Variants in SAMD12 observed in about 807,000 individuals in gnomAD.
The protein encoded by SAMD12 is sterile alpha motif domain-containing protein 12.
In SAMD12, 9 loss-of-function variants were observed where a neutral mutation model predicts 15.0. The observed-to-expected ratio is 0.60, with a 90% CI of 0.36 to 1.05. The LOEUF is 1.05. SAMD12 is among the 50% of genes least tolerant of loss of function. The pLI is 0.01. For synonymous variants in SAMD12, 86 were observed against 90.1 expected, an observed-to-expected ratio of 0.96 and a Z score of 0.25; for missense variants, 230 against 234.2, an observed-to-expected ratio of 0.98 and a Z score of 0.12.
chr8:118,283,001 G>A (rs1381365235), intron 4 of SAMD12, among the ~76,000 whole-genome samples: 2 of 152,014 alleles, frequency 1.3e-5, no homozygotes, highest in East Asian at 1.9e-4. Context: ...GAAAAATTCC[G>A]ATGGGCCTAG....
At chr8:118,165,730 C>T in the SAMD12 span, among the ~76,000 whole-genome samples, 1 of 150,694 alleles carries the variant, frequency 6.6e-6, no homozygotes, top group Non-Finnish European at 1.5e-5. Flanking sequence ...TTTTCTCATG[C>T]TTTTAAATTT....
At chr8:118,144,927 A>C in the SAMD12 span, among the ~76,000 whole-genome samples, 1 of 152,240 alleles carries the variant, frequency 6.6e-6, no homozygotes, top group Non-Finnish European at 1.5e-5. Context: ...GAGAGCAATA[A>C]GATTCAGAGA....
intron 2 of SAMD12, among the ~76,000 whole-genome samples, chr8:118,485,169 A>C (rs1421173818): frequency 2.0e-5 from 3 of 152,090 alleles, no homozygotes; most frequent in Non-Finnish European, 2.9e-5. Context: ...ATTCACTAAT[A>C]TTCTGTTAGT....
intron 2 of SAMD12, among the ~76,000 whole-genome samples, chr8:118,473,804 ACT>A (rs766976469): frequency 1.3e-5 from 2 of 151,924 alleles, no homozygotes; most frequent in Non-Finnish European, 2.9e-5. Flanking sequence ...GACATGGCAC[ACT>A]CTCTAGAATT....
chr8:118,525,916 G>T (rs1204346606), intron 2 of SAMD12, among the ~76,000 whole-genome samples: 1 of 152,144 alleles, frequency 6.6e-6, no homozygotes, highest in Non-Finnish European at 1.5e-5. Context: ...CATCTGTAAT[G>T]TCACCCAGCT....
At chr8:118,187,759 A>G (rs566919302), downstream of SAMD12, among the ~76,000 whole-genome samples, 1 of 152,178 alleles carries the variant, frequency 6.6e-6, no homozygotes, top group Non-Finnish European at 1.5e-5. Flanking sequence ...TAAAGCTTTC[A>G]CGTACCTCAG....
At chr8:118,526,693 G>T (rs1158586139) in intron 2 of SAMD12, among the ~76,000 whole-genome samples, 1 of 152,170 alleles carries the variant, frequency 6.6e-6, no homozygotes, top group Non-Finnish European at 1.5e-5. Context: ...AACAGAAAGT[G>T]CAGAGTACCT....
At chr8:118,250,671 T>C (rs551607873) in intron 4 of SAMD12, among the ~76,000 whole-genome samples, 38 of 151,950 alleles carry the variant, frequency 2.5e-4, no homozygotes, top group Non-Finnish European at 5.1e-4. Context: ...ATTTTTTATT[T>C]ATTTATTTTT....
intron 3 of SAMD12, among the ~76,000 whole-genome samples, chr8:118,427,806 G>A (rs1025518766): frequency 6.6e-6 from 1 of 152,130 alleles, no homozygotes; most frequent in African/African-American, 2.4e-5. Flanking sequence ...GAGTGGAACT[G>A]CAGAATCATC....
intron 1 of SAMD12, among the ~76,000 whole-genome samples, chr8:118,611,706 A>G (rs113738203): frequency 1.2e-3 from 179 of 152,336 alleles, no homozygotes; most frequent in African/African-American, 4.1e-3. Context: ...CACATTTCCA[A>G]CCTCAGACAA....
intron 3 of SAMD12, among the ~76,000 whole-genome samples, chr8:118,415,425 GTAAA>G (rs1476707502): frequency 2.1e-5 from 3 of 142,836 alleles, no homozygotes; most frequent in Admixed American, 1.5e-4. Context: ...TGTAAAAAAA[GTAAA>G]TAAATAACCT....
intron 3 of SAMD12, among the ~76,000 whole-genome samples, chr8:118,437,205 ACTTGG>A (rs1488258998): frequency 6.6e-6 from 1 of 152,194 alleles, no homozygotes; most frequent in Non-Finnish European, 1.5e-5. Context: ...TTTTCTGGCC[ACTTGG>A]CACTTGTGAT....
At chr8:118,198,142 G>C (rs1819618099) in intron 4 of SAMD12, among the ~76,000 whole-genome samples, 1 of 152,076 alleles carries the variant, frequency 6.6e-6, no homozygotes, top group Middle Eastern at 3.2e-3. Flanking sequence ...GAGAGATGGG[G>C]GTTTCATTTA....
intron 2 of SAMD12, among the ~76,000 whole-genome samples, chr8:118,526,825 G>A (rs1236053290): frequency 6.6e-6 from 1 of 152,156 alleles, no homozygotes; most frequent in African/African-American, 2.4e-5. Flanking sequence ...CTGAGACATG[G>A]AACAGAAAAA....
the SAMD12 span, among the ~76,000 whole-genome samples, chr8:118,151,350 A>T: frequency 6.6e-6 from 1 of 152,072 alleles, no homozygotes; most frequent in Admixed American, 6.5e-5. Flanking sequence ...TTTAGCCATT[A>T]CCTTTTCAAA....
intron 2 of SAMD12, among the ~76,000 whole-genome samples, chr8:118,440,657 A>AACACACACACACACACAC (rs34419362): frequency 3.4e-4 from 49 of 142,208 alleles, no homozygotes; most frequent in South Asian, 4.5e-4. Flanking sequence ...TTATGAGGAA[A>AACACACACACACACACAC]ACACACACAC....
intron 2 of SAMD12, among the ~76,000 whole-genome samples, chr8:118,554,441 C>A (rs1372158649): frequency 6.6e-6 from 1 of 150,470 alleles, no homozygotes; most frequent in Admixed American, 6.7e-5. Flanking sequence ...GAACAAAAAA[C>A]CAAACACCGC....
At chr8:118,373,720 A>T (rs946238867), downstream of SAMD12, among the ~76,000 whole-genome samples, 2 of 152,112 alleles carry the variant, frequency 1.3e-5, no homozygotes, top group Non-Finnish European at 2.9e-5. Context: ...GCATATGAGG[A>T]TGGTAGCATC....
chr8:118,272,644 T>C (rs1427489431), intron 4 of SAMD12, among the ~76,000 whole-genome samples: 2 of 152,168 alleles, frequency 1.3e-5, no homozygotes, highest in East Asian at 3.8e-4. Flanking sequence ...GAAATTTCTT[T>C]TGCCAGATAC....
Sources: gnomAD v4.1 joint callset for allele counts (sites outside exome capture counted in the v4.1 genomes callset) on GRCh38, gnomAD v4.1.1 for gene constraint, MANE v1.5 for transcripts, NCBI Gene and HGNC (gene_info 2026-07-23, HGNC 2026-07-21) for gene names.